The following CABLES1 variants were observed in gnomAD, a reference collection of about 807,000 sequenced individuals.
CABLES1 encodes the protein Cdk5 and Abl enzyme substrate 1, also known as CDK5 and ABL1 enzyme substrate 1.
A neutral mutation model predicts 57.8 loss-of-function variants in CABLES1; 36 were observed. That is an observed-to-expected ratio of 0.62 (90% CI 0.48 to 0.82). The LOEUF is 0.82. Among genes scored for constraint, CABLES1 ranks in the 40% least tolerant of loss-of-function variants. The probability of loss-of-function intolerance (pLI) is 0.00; values close to 1 mark genes in which losing one functional copy is unlikely to be tolerated. For synonymous variants in CABLES1, 374 were observed against 363.0 expected, an observed-to-expected ratio of 1.03 and a Z score of -0.35; for missense variants, 767 against 836.6, an observed-to-expected ratio of 0.92 and a Z score of 1.03.
At chr18:23,156,089 T>A (rs113542815) in intron 1 of CABLES1, 2 of 1,002,384 alleles carry the variant, frequency 2.0e-6, no homozygotes, top group African/African-American at 1.6e-5. Context: ...TCAGTCCTGA[T>A]GTGGGCCAGC....
intron 1 of CABLES1, among the ~76,000 whole-genome samples, chr18:23,164,450 AT>A (rs892163064): frequency 1.5e-4 from 22 of 149,104 alleles, no homozygotes; most frequent in Non-Finnish European, 1.5e-4. Context: ...GTTCCTTGGT[AT>A]TTTTTTTTTA....
chr18:23,252,570 G>A lies in CABLES1; in HGVS notation c.1447-390G>A, dbSNP rs56020733. Among the ~76,000 whole-genome samples, 999 of 152,226 alleles carry A rather than the reference G, an allele frequency of 6.6e-3. 12 individuals are homozygous for A. The highest frequency in any genetic ancestry group is 0.023 in the African/African-American group (956 of 41,530). Reference sequence around the variant, plus strand: ...GGGTGATTTGAAGTCTCCCAAAGCCGTCAGACTAGTGAATGGTCAAGTGGA... The same window carrying A: ...GGGTGATTTGAAGTCTCCCAAAGCCATCAGACTAGTGAATGGTCAAGTGGA... On this transcript the variant is annotated intron_variant, in intron 7 of 9. Transcript: ENST00000256925.
chr18:23,178,861 C>G (rs2047143772), intron 1 of CABLES1, among the ~76,000 whole-genome samples: 1 of 152,134 alleles, frequency 6.6e-6, no homozygotes, highest in African/African-American at 2.4e-5. Context: ...GAGTCGCTTT[C>G]TTGACCCGCC....
rs371311785 is a variant in CABLES1 at position 23,194,401 on chromosome 18, G to A, written c.918-47G>A. The A allele has an allele frequency of 7.3e-6, 9 of 1,229,200 alleles. No individual in the cohort carries two copies. The African/African-American group carries it at 8.9e-5, about 12-fold the overall frequency. 76.1% of individuals were successfully genotyped at this position (1,229,200 alleles called of 1,614,324 possible). ...GTCTTTATGTGGAGACGTCTCAGCT[G>A]TCCAGCAGGCAACTGACTGTGTTTT... On this transcript the variant is annotated intron_variant, in intron 2 of 9. Transcript: ENST00000256925.
Position 23,136,004 on chromosome 18 carries a change from A to C in CABLES1, c.242A>C (p.Gln81Pro). The part of the protein sequence containing the change: ...NISLDGRLPP[Q>P]DAEWGGGEEG... ...TCGCTGGACGGCCGGCTGCCGCCGC[A>C]GGACGCGGAGTGGGGCGGTGGCGAG... The change falls in exon 1 of 10, where the codon CAG (glutamine) becomes CCG (proline). Residue 81 changes from glutamine (Q) to proline (P), a missense_variant. Physicochemically the swap from Gln to Pro is moderately conservative, Grantham distance 76 (BLOSUM62 -1). Coordinates refer to ENST00000256925, the MANE Select transcript of CABLES1 (RefSeq NM_001100619.3). The C allele has an allele frequency of 8.8e-7, 1 of 1,139,920 alleles. No homozygotes were observed. The highest frequency in any genetic ancestry group is 1.1e-6 in the Non-Finnish European group (1 of 929,918). 70.6% of individuals were successfully genotyped at this position (1,139,920 alleles called of 1,614,324 possible). A position where few individuals can be genotyped will look rare whatever the true frequency, so the allele number is the denominator to read the frequency against.
At chr18:23,227,092 C>T (rs931179543) in intron 4 of CABLES1, 2 of 152,082 alleles carry the variant, frequency 1.3e-5, no homozygotes, top group Non-Finnish European at 2.9e-5. Flanking sequence ...GTGTTTATAT[C>T]CTTAACTTTT....
chr18:23,239,986 T>C (rs1041466945), intron 7 of CABLES1, among the ~76,000 whole-genome samples: 3 of 152,114 alleles, frequency 2.0e-5, no homozygotes, highest in African/African-American at 7.2e-5. Flanking sequence ...GGTGTGGTGT[T>C]GCGCGCCTGT....
intron 3 of CABLES1, among the ~76,000 whole-genome samples, chr18:23,195,194 A>G (rs1239711212): frequency 2.0e-5 from 3 of 152,240 alleles, no homozygotes; most frequent in Non-Finnish European, 4.4e-5. Context: ...CAGCATGCTC[A>G]TGATTGGATG....
intron 3 of CABLES1, among the ~76,000 whole-genome samples, chr18:23,204,830 A>C (rs1021427280): frequency 6.6e-6 from 1 of 152,228 alleles, no homozygotes; most frequent in Admixed American, 6.5e-5. Context: ...CCTGAGACTT[A>C]TTCACTACCA....
intron 1 of CABLES1, among the ~76,000 whole-genome samples, chr18:23,167,342 A>G (rs1200011410): frequency 2.6e-5 from 4 of 152,282 alleles, no homozygotes; most frequent in South Asian, 2.1e-4. Context: ...CAGGCTCCCT[A>G]GGGTCCAGCT....
intron 4 of CABLES1, 27 bp downstream of exon 4, chr18:23,214,081 G>A: frequency 6.7e-7 from 1 of 1,503,068 alleles, no homozygotes; most frequent in African/African-American, 1.4e-5. Flanking sequence ...ATGCTTTGTA[G>A]TTCTCTGGGT....
intron 1 of CABLES1, among the ~76,000 whole-genome samples, chr18:23,138,634 A>G (rs528801830): frequency 1.3e-5 from 2 of 152,198 alleles, no homozygotes; most frequent in African/African-American, 2.4e-5. Flanking sequence ...TTGTCTTATC[A>G]CTAGAGTACT....
intron 1 of CABLES1, among the ~76,000 whole-genome samples, chr18:23,176,426 G>A (rs2047123553): frequency 6.6e-6 from 1 of 152,288 alleles, no homozygotes; most frequent in Admixed American, 6.5e-5. Flanking sequence ...CCACTTGCCT[G>A]CTACTGTGTG....
At chr18:23,144,316 C>T (rs1236392349) in intron 1 of CABLES1, among the ~76,000 whole-genome samples, 1 of 152,262 alleles carries the variant, frequency 6.6e-6, no homozygotes, top group African/African-American at 2.4e-5. Flanking sequence ...CTCCAATTCC[C>T]TAACAGTAAG....
Position 23,236,043 on chromosome 18 carries a change from T to G in CABLES1, c.1334T>G (p.Leu445Arg). 6.2e-7 allele frequency: 1 copy of G among 1,614,048 alleles called. No individual in the cohort carries two copies. Among genetic ancestry groups the G allele is most frequent in the Non-Finnish European group, 8.5e-7 (1 of 1,179,998 alleles). ...IGRASGTQGS[L>R]DTGSDLGDFM... ...CGGGCAAGCGGCACCCAGGGGAGCC[T>G]CGACACAGGTAACCTTGGCCTGGCT... is the stretch of plus-strand genomic sequence containing the variant. The change falls in exon 6 of 10, where the codon CTC becomes CGC. Residue 445 changes from leucine (L) to arginine (R), a missense_variant. Physicochemically the swap from Leu to Arg is moderately radical, Grantham distance 102. Around this residue, in one of 4 missense-constraint regions of CABLES1, gnomAD observed 529 missense variants for 622.8 expected, o/e 0.85. Coordinates refer to ENST00000256925, the MANE Select transcript of CABLES1 (RefSeq NM_001100619.3).
chr18:23,234,371 G>A (rs2047587350), intron 4 of CABLES1, among the ~76,000 whole-genome samples: 1 of 152,254 alleles, frequency 6.6e-6, no homozygotes, highest in Admixed American at 6.5e-5. Flanking sequence ...AGGGATGTCT[G>A]TAAACCATCA....
chr18:23,174,617 A>G (rs186048762), intron 1 of CABLES1, among the ~76,000 whole-genome samples: 4,015 of 151,380 alleles, frequency 0.027, 56 homozygotes, highest in African/African-American at 0.039. Flanking sequence ...GACTACAGGC[A>G]CCCACCACCA....
intron 4 of CABLES1, among the ~76,000 whole-genome samples, chr18:23,217,829 G>A (rs989318838): frequency 2.0e-5 from 3 of 152,210 alleles, no homozygotes; most frequent in Non-Finnish European, 2.9e-5. Flanking sequence ...TGACTGGGAC[G>A]TAAGTCATAG....
intron 9 of CABLES1, among the ~76,000 whole-genome samples, chr18:23,256,226 G>GC (rs947938736): frequency 1.3e-5 from 2 of 152,230 alleles, no homozygotes; most frequent in Non-Finnish European, 2.9e-5. Context: ...CAAACATGAG[G>GC]CCCTCCCTGT....
Sources: allele counts gnomAD v4.1 joint callset (sites outside exome capture counted in the v4.1 genomes callset), GRCh38; gene constraint gnomAD v4.1.1; regional missense constraint gnomAD v4.1.1; transcripts MANE v1.5; gene names NCBI Gene and HGNC (gene_info 2026-07-23, HGNC 2026-07-21).